CCDC30: variants seen among roughly 807,000 people sequenced by gnomAD.
The protein encoded by CCDC30 is coiled-coil domain containing 30, also known as coiled-coil domain-containing protein 30.
Under a neutral mutation model 100.2 loss-of-function variants are expected in CCDC30, and 70 were observed. The observed-to-expected ratio is 0.70, with a 90% CI of 0.58 to 0.85. CCDC30 has a LOEUF of 0.85. Ranked by LOEUF, CCDC30 falls within the 40% of genes least tolerant of loss-of-function variation. The probability of loss-of-function intolerance (pLI) is 0.00; values close to 1 mark genes in which losing one functional copy is unlikely to be tolerated. For missense variants in CCDC30, 652 were observed against 771.2 expected (o/e 0.85, Z 1.83); for synonymous variants, 233 against 269.5 (o/e 0.86, Z 1.33).
chr1:42,596,889 C>A lies in CCDC30; in HGVS notation c.1164+7406C>A, dbSNP rs1646299478. Among the ~76,000 whole-genome samples the A allele has an allele frequency of 6.6e-6, 1 of 151,908 alleles. No individual in the cohort carries two copies. The stretch of plus-strand genomic sequence containing the variant: ...TAAGGGCTCTAAGGAATAAAGTAGA[C>A]CACATGCAGGAAGAGATGGGCAATG... On this transcript the variant is annotated intron_variant, in intron 10 of 16. Transcript: ENST00000668663. The surrounding 1 kb of genome is among the most constrained non-coding windows in gnomAD (Gnocchi z 4.3).
At chr1:42,553,816 T>C (rs1180363684) in intron 6 of CCDC30, among the ~76,000 whole-genome samples, 1 of 152,192 alleles carries the variant, frequency 6.6e-6, no homozygotes, top group East Asian at 1.9e-4. Context: ...TTAAAGGCAT[T>C]TTACCCTTTA....
chr1:42,547,611 C>G (rs1008921367), intron 6 of CCDC30, among the ~76,000 whole-genome samples: 6 of 152,174 alleles, frequency 3.9e-5, no homozygotes, highest in Admixed American at 3.3e-4. Context: ...TTGATGCCAC[C>G]TGTTTCCAGG....
intron 6 of CCDC30, among the ~76,000 whole-genome samples, chr1:42,520,984 T>C (rs1171729074): frequency 1.3e-5 from 2 of 149,080 alleles, no homozygotes; most frequent in African/African-American, 4.9e-5. Context: ...TTTTCTTTTT[T>C]TTTTTTTGAG....
At chr1:42,507,090 G>A (rs956154095) in intron 6 of CCDC30, among the ~76,000 whole-genome samples, 1 of 152,010 alleles carries the variant, frequency 6.6e-6, no homozygotes, top group Non-Finnish European at 1.5e-5. Context: ...CCACACCTGG[G>A]TAATTTTTGT....
At chr1:42,607,657 A>G (rs115950019) in intron 10 of CCDC30, among the ~76,000 whole-genome samples, 5,871 of 149,486 alleles carry the variant, frequency 0.039, 362 homozygotes, top group African/African-American at 0.13. Context: ...TGTTCTGGGA[A>G]AAAAAAAAAT....
At chr1:42,552,574 T>A (rs1645274655) in intron 6 of CCDC30, among the ~76,000 whole-genome samples, 1 of 152,038 alleles carries the variant, frequency 6.6e-6, no homozygotes, top group Admixed American at 6.6e-5. Context: ...TTCCATTTTT[T>A]AAATGGAAAA....
intron 15 of CCDC30, among the ~76,000 whole-genome samples, chr1:42,650,687 G>GGT (rs1012028066): frequency 2.0e-5 from 3 of 151,956 alleles, no homozygotes; most frequent in Admixed American, 6.6e-5. Flanking sequence ...GGAGAGCAGT[G>GGT]GCAATCACAG....
At chr1:42,617,671 T>C (rs1646751756) in intron 11 of CCDC30, among the ~76,000 whole-genome samples, 1 of 152,164 alleles carries the variant, frequency 6.6e-6, no homozygotes, top group Non-Finnish European at 1.5e-5. Context: ...GTTGAAGCTG[T>C]CCTCTTGCAC....
intron 11 of CCDC30, 55 bp from the exon 16 acceptor site, chr1:42,637,182 C>G: frequency 6.9e-7 from 1 of 1,442,174 alleles, no homozygotes; most frequent in South Asian, 1.3e-5. Flanking sequence ...ATTGAGGATG[C>G]AAAATAAATT....
intron 11 of CCDC30, among the ~76,000 whole-genome samples, chr1:42,627,574 G>A (rs1646956602): frequency 6.6e-6 from 1 of 152,164 alleles, no homozygotes; most frequent in Non-Finnish European, 1.5e-5. Flanking sequence ...AGGCCCAGGA[G>A]GAAAAAGTGG....
At chr1:42,572,491 A>C (rs1277320522) in intron 7 of CCDC30, among the ~76,000 whole-genome samples, 3 of 152,152 alleles carry the variant, frequency 2.0e-5, no homozygotes, top group African/African-American at 7.2e-5. Flanking sequence ...TTGATGAATC[A>C]AAGTTTTTAA....
At chr1:42,614,464 TG>T (rs1342654522) in intron 11 of CCDC30, among the ~76,000 whole-genome samples, 2 of 151,980 alleles carry the variant, frequency 1.3e-5, no homozygotes, top group African/African-American at 4.8e-5. Flanking sequence ...GACAAATGTT[TG>T]TGCCCATATT....
chr1:42,457,093 C>G, the CCDC30 span: 2 of 1,579,318 alleles, frequency 1.3e-6, no homozygotes, highest in Non-Finnish European at 1.7e-6. Context: ...CTAGGAGTAC[C>G]CCTTTTGCCT....
intron 6 of CCDC30, among the ~76,000 whole-genome samples, chr1:42,535,146 G>T (rs1483632977): frequency 6.6e-6 from 1 of 152,096 alleles, no homozygotes; most frequent in South Asian, 2.1e-4. Flanking sequence ...AGAAAACCTT[G>T]CCAGGAGTAC....
At chr1:42,650,495 A>ATGTGTGTGTGTG (rs1367897512) in intron 15 of CCDC30, among the ~76,000 whole-genome samples, 3 of 98,910 alleles carry the variant, frequency 3.0e-5, no homozygotes, top group African/African-American at 4.5e-5. Flanking sequence ...AAAAAAATAT[A>ATGTGTGTGTGTG]TATGTGTGTG....
intron 10 of CCDC30, among the ~76,000 whole-genome samples, chr1:42,598,154 C>T (rs1646330140): frequency 6.6e-6 from 1 of 151,908 alleles, no homozygotes; most frequent in Non-Finnish European, 1.5e-5. Flanking sequence ...GAAATAAATA[C>T]ATAAATAGTA....
chr1:42,608,459 TG>T (rs1450501202), intron 10 of CCDC30, among the ~76,000 whole-genome samples: 2 of 152,118 alleles, frequency 1.3e-5, no homozygotes, highest in African/African-American at 4.8e-5. Flanking sequence ...CCCAGCACTT[TG>T]GGAGGCCGAG....
chr1:42,491,453 G>A (rs1285005978), intron 4 of CCDC30, among the ~76,000 whole-genome samples: 1 of 151,898 alleles, frequency 6.6e-6, no homozygotes, highest in Admixed American at 6.6e-5. Context: ...ACCAGAGGAT[G>A]GGAAGGAGAA....
chr1:42,568,815 C>T (rs937655285), intron 7 of CCDC30, among the ~76,000 whole-genome samples: 12 of 151,042 alleles, frequency 7.9e-5, no homozygotes, highest in South Asian at 2.1e-4. Context: ...TGGTAGCACA[C>T]GCCTGTAGTC....
Sources: allele counts gnomAD v4.1 joint callset (sites outside exome capture counted in the v4.1 genomes callset), GRCh38; gene constraint gnomAD v4.1.1; non-coding constraint Gnocchi (gnomAD v3.1); transcripts MANE v1.5; gene names NCBI Gene and HGNC (gene_info 2026-07-23, HGNC 2026-07-21).